GPHN: variants seen among roughly 807,000 people sequenced by gnomAD.
The protein encoded by GPHN is gephyrin.
GPHN carries 17 observed loss-of-function variants against 95.5 expected under a neutral mutation model. The observed-to-expected ratio is 0.18, with a 90% CI of 0.12 to 0.27. The LOEUF is 0.27. GPHN is among the 10% of genes least tolerant of loss of function. GPHN has a pLI of 1.00. For synonymous variants in GPHN, 320 were observed against 322.5 expected (o/e 0.99, Z 0.08); for missense variants, 660 against 978.1 (o/e 0.67, Z 4.34).
chr14:67,016,352 A>G (rs2073310502), intron 9 of GPHN, among the ~76,000 whole-genome samples: 2 of 152,240 alleles, frequency 1.3e-5, no homozygotes, highest in African/African-American at 4.8e-5. Context: ...CTATTTTTAA[A>G]TGCATTAAAT....
chr14:67,474,125 T>A, the GPHN span, among the ~76,000 whole-genome samples: 1 of 151,882 alleles, frequency 6.6e-6, no homozygotes, highest in African/African-American at 2.4e-5. Context: ...GGTGGCCCGC[T>A]CCTGTAATCC....
At chr14:67,644,459 A>G in the GPHN span, among the ~76,000 whole-genome samples, 1 of 152,184 alleles carries the variant, frequency 6.6e-6, no homozygotes, top group Non-Finnish European at 1.5e-5. Flanking sequence ...CTATTCCTCA[A>G]AAGACCCAAC....
At chr14:66,769,784 G>T (rs2059098343) in intron 2 of GPHN, among the ~76,000 whole-genome samples, 1 of 152,048 alleles carries the variant, frequency 6.6e-6, no homozygotes, top group Non-Finnish European at 1.5e-5. Context: ...GTGTTGTGAT[G>T]AACATATACG....
chr14:67,094,063 T>A (rs72715361), intron 12 of GPHN, among the ~76,000 whole-genome samples: 1 of 152,112 alleles, frequency 6.6e-6, no homozygotes, highest in East Asian at 1.9e-4. Context: ...AAAGTGGAAA[T>A]GATGAGACTC....
At chr14:67,646,420 T>G in the GPHN span, 1 of 512,560 alleles carries the variant, frequency 2.0e-6, no homozygotes, top group African/African-American at 2.0e-5. Flanking sequence ...CCTTAGAGAT[T>G]TTATTCGTCT....
At chr14:66,903,514 A>G (rs1490715401) in intron 5 of GPHN, among the ~76,000 whole-genome samples, 1 of 152,040 alleles carries the variant, frequency 6.6e-6, no homozygotes, top group African/African-American at 2.4e-5. Context: ...TCACCCCTTC[A>G]CTTACAGTCT....
chr14:66,769,068 C>T (rs936865354), intron 2 of GPHN, among the ~76,000 whole-genome samples: 1 of 151,856 alleles, frequency 6.6e-6, no homozygotes, highest in African/African-American at 2.4e-5. Context: ...AATAAGTATA[C>T]TGAAGTGGAA....
intron 4 of GPHN, among the ~76,000 whole-genome samples, chr14:66,858,429 C>G (rs929823619): frequency 6.6e-6 from 1 of 151,814 alleles, no homozygotes; most frequent in African/African-American, 2.4e-5. Context: ...AGAAGGGAAC[C>G]TGTTGCCTTG....
the GPHN span, chr14:67,586,152 A>C: frequency 3.8e-6 from 6 of 1,590,458 alleles, no homozygotes; most frequent in Non-Finnish European, 5.2e-6. Flanking sequence ...GTGGGCTTGG[A>C]GCTTAGAAAG....
chr14:67,301,953 A>T, the GPHN span: 4 of 1,584,588 alleles, frequency 2.5e-6, no homozygotes, highest in Non-Finnish European at 3.4e-6. Flanking sequence ...TTAAAATGCC[A>T]TGGATTTCTT....
chr14:67,204,031 A>G, the GPHN span, among the ~76,000 whole-genome samples: 1 of 152,196 alleles, frequency 6.6e-6, no homozygotes, highest in African/African-American at 2.4e-5. Flanking sequence ...GTTTTTATAC[A>G]TCAGAGCCTT....
chr14:66,845,865 G>C (rs111371311), intron 4 of GPHN, among the ~76,000 whole-genome samples: 1 of 151,220 alleles, frequency 6.6e-6, no homozygotes, highest in Admixed American at 6.6e-5. Context: ...GTGTGTCTGT[G>C]TGCGTGCGCA....
intron 2 of GPHN, among the ~76,000 whole-genome samples, chr14:66,739,760 C>G (rs1015759691): frequency 1.3e-5 from 2 of 151,968 alleles, no homozygotes; most frequent in Non-Finnish European, 2.9e-5. Context: ...ATCAGAAACA[C>G]TAAGCAGCTG....
the GPHN span, chr14:67,722,515 C>T: frequency 1.2e-6 from 1 of 817,886 alleles, no homozygotes; most frequent in Non-Finnish European, 2.2e-6. Context: ...GCTCAGCACC[C>T]AGGACGGAGA....
chr14:66,918,995 A>G (rs2066062594), intron 6 of GPHN, among the ~76,000 whole-genome samples: 1 of 152,260 alleles, frequency 6.6e-6, no homozygotes, highest in Middle Eastern at 3.4e-3. Context: ...TTCTGCAGCT[A>G]TAGCTGGCCT....
At chr14:67,555,948 C>A in the GPHN span, 1 of 1,588,032 alleles carries the variant, frequency 6.3e-7, no homozygotes, top group Admixed American at 1.8e-5. Flanking sequence ...CCTTCCAGGC[C>A]CTTCCCACGG....
chr14:66,920,647 A>G (rs1174609973), intron 6 of GPHN, among the ~76,000 whole-genome samples: 1 of 147,964 alleles, frequency 6.8e-6, no homozygotes, highest in Non-Finnish European at 1.5e-5. Flanking sequence ...TGCTTACATG[A>G]GTAAGTTCTT....
At chr14:66,750,292 C>G (rs1419189223) in intron 2 of GPHN, among the ~76,000 whole-genome samples, 2 of 151,688 alleles carry the variant, frequency 1.3e-5, no homozygotes, top group Middle Eastern at 3.4e-3. Context: ...ATTTTTTTTG[C>G]ACATCATGTC....
Position 66,632,682 on chromosome 14 carries a change from G to A in GPHN, c.65-48425G>A, listed in dbSNP as rs375402628. On this transcript the variant is annotated intron_variant, in intron 1 of 22. Coordinates refer to ENST00000478722, the MANE Select transcript of GPHN (RefSeq NM_020806.5). ...TAATTTTTGTATTTTTAGTAGAGAC[G>A]GGGTTTCACCTTGTTGGCCAGGCTG... 6.0e-4 allele frequency among the ~76,000 whole-genome samples: 91 copies of A among 151,760 alleles called. No homozygotes were observed. The East Asian group carries it at 0.012, about 20-fold the overall frequency.
Sources: allele counts gnomAD v4.1 joint callset (sites outside exome capture counted in the v4.1 genomes callset), GRCh38; gene constraint gnomAD v4.1.1; transcripts MANE v1.5; gene names NCBI Gene and HGNC (gene_info 2026-07-23, HGNC 2026-07-21).